Variants in SLCO3A1 observed in about 807,000 individuals in gnomAD.
SLCO3A1 encodes PGE1 transporter.
SLCO3A1 carries 27 observed loss-of-function variants against 63.1 expected under a neutral mutation model. The ratio of observed to expected loss-of-function variants is 0.43; its 90% CI spans 0.32 to 0.59. The LOEUF is 0.59. SLCO3A1 is among the 20% of genes least tolerant of loss of function. SLCO3A1 has a pLI of 0.09. For synonymous variants in SLCO3A1, 473 were observed against 409.9 expected (o/e 1.15, Z -1.86); for missense variants, 773 against 945.8 (o/e 0.82, Z 2.40).
chr15:92,142,220 A>C lies in SLCO3A1; in HGVS notation c.1513-4764A>C, dbSNP rs1308138919. ...CTTTTCTTCTTCTGTCATTAACCCT[A>C]AATCATCCCATTCCTGTCTATTCAG... On this transcript the variant is annotated intron_variant, in intron 7 of 9. Coordinates refer to ENST00000318445, the MANE Select transcript of SLCO3A1 (RefSeq NM_013272.4). 2.6e-5 allele frequency among the ~76,000 whole-genome samples: 4 copies of C among 152,292 alleles called. No homozygotes were observed. In the South Asian group the frequency reaches 8.3e-4, roughly 32 times the overall value.
rs974117105 is a variant in SLCO3A1 at position 91,900,943 on chromosome 15, G to T, written c.181-15050G>T. On this transcript the variant is annotated intron_variant, in intron 1 of 9. Transcript: ENST00000318445. The surrounding 1 kb of genome is among the most constrained non-coding windows in gnomAD (Gnocchi z 4.3). ...ATTAACTTCTCCAAATATTATTGTTGTATTGTTTATTTCGCCTTTCATTTT... is the reference window on the plus strand; with the variant it reads ...ATTAACTTCTCCAAATATTATTGTTTTATTGTTTATTTCGCCTTTCATTTT... 6.6e-6 allele frequency among the ~76,000 whole-genome samples: 1 copy of T among 152,050 alleles called. No individual in the cohort carries two copies. Among genetic ancestry groups the T allele is most frequent in the African/African-American group, 2.4e-5 (1 of 41,406 alleles).
At chr15:91,879,316 T>TA (rs1406003300) in intron 1 of SLCO3A1, among the ~76,000 whole-genome samples, 1 of 151,460 alleles carries the variant, frequency 6.6e-6, no homozygotes, top group Non-Finnish European at 1.5e-5. Flanking sequence ...TTTTTTTTTT[T>TA]AAAGCCACCA....
chr15:92,148,391 T>C (rs1189956810), intron 8 of SLCO3A1, among the ~76,000 whole-genome samples: 1 of 152,212 alleles, frequency 6.6e-6, no homozygotes. Context: ...TCCTCATCTT[T>C]ATTATGAATT....
rs1350335032 is a variant in SLCO3A1, at chr15:91,865,865, C to T, written c.180+11777C>T. Among the ~76,000 whole-genome samples the T allele has an allele frequency of 6.6e-6, 1 of 152,156 alleles. No individual in the cohort carries two copies. The highest frequency in any genetic ancestry group is 2.4e-5 in the African/African-American group (1 of 41,420). On this transcript the variant is annotated intron_variant, in intron 1 of 9. Coordinates refer to ENST00000318445, the MANE Select transcript of SLCO3A1 (RefSeq NM_013272.4). This position sits in a 1 kb window ranked among gnomAD's most constrained non-coding sequence, Gnocchi z 4.6. ...GGGGAAAACAAATCAATTCATAACA[C>T]CAGAGAAGAAAAGAGCAAAGGATCC...
chr15:91,991,231 G>T (rs1292003950), intron 2 of SLCO3A1, among the ~76,000 whole-genome samples: 2 of 152,018 alleles, frequency 1.3e-5, no homozygotes, highest in East Asian at 3.9e-4. Context: ...ATTAGGCAGG[G>T]TGGTGTGCAC....
chr15:91,927,531 T>A (rs1436238700), intron 2 of SLCO3A1, among the ~76,000 whole-genome samples: 2 of 152,188 alleles, frequency 1.3e-5, no homozygotes, highest in Admixed American at 1.3e-4. Context: ...TTGGTGCATT[T>A]GAGAAACCCT....
intron 2 of SLCO3A1, among the ~76,000 whole-genome samples, chr15:91,957,957 G>A (rs1484363077): frequency 6.6e-6 from 1 of 152,094 alleles, no homozygotes; most frequent in African/African-American, 2.4e-5. Flanking sequence ...GGGAACGACT[G>A]AGTCTCCATA....
At position 92,070,544 on chromosome 15, in the gene SLCO3A1, G is replaced by A. The variant is rs567676912; in HGVS notation, c.647-24337G>A. Among the ~76,000 whole-genome samples the A allele has an allele frequency of 4.6e-5, 7 of 152,238 alleles. No individual in the cohort carries two copies. The South Asian group carries it at 1.5e-3, about 32-fold the overall frequency. On this transcript the variant is annotated intron_variant, in intron 2 of 9. Coordinates refer to ENST00000318445, the MANE Select transcript of SLCO3A1 (RefSeq NM_013272.4). Reference sequence around the variant, plus strand: ...TGTAATCCCAGCTACTCAGGAGGCTGAGGCAGGAGAATTGCTTGAACCCCA... The same window carrying A: ...TGTAATCCCAGCTACTCAGGAGGCTAAGGCAGGAGAATTGCTTGAACCCCA...
At chr15:92,120,265 A>C (rs2047847776) in intron 4 of SLCO3A1, among the ~76,000 whole-genome samples, 200 bp from the exon 5 acceptor site, 1 of 152,186 alleles carries the variant, frequency 6.6e-6, no homozygotes, top group Non-Finnish European at 1.5e-5. Context: ...ATGTCAGTGT[A>C]CGCTTTGAAG....
chr15:92,128,314 T>G, intron 6 of SLCO3A1, 37 bp from the exon 7 acceptor site: 1 of 1,613,200 alleles, frequency 6.2e-7, no homozygotes, highest in Non-Finnish European at 8.5e-7. Flanking sequence ...CGAATTGACC[T>G]GTTTCTAATG....
chr15:91,921,261 C>T (rs1039864222), intron 2 of SLCO3A1, among the ~76,000 whole-genome samples: 3 of 152,208 alleles, frequency 2.0e-5, no homozygotes, highest in African/African-American at 7.2e-5. Flanking sequence ...ACTCCTCTTA[C>T]AAGGTCGCCA....
intron 2 of SLCO3A1, among the ~76,000 whole-genome samples, chr15:91,970,694 G>C (rs1311510477): frequency 2.0e-5 from 3 of 152,114 alleles, no homozygotes; most frequent in African/African-American, 7.2e-5. Flanking sequence ...CAAAAAACAG[G>C]CATCCAGGGT....
intron 2 of SLCO3A1, among the ~76,000 whole-genome samples, chr15:92,036,561 C>T (rs906573978): frequency 2.6e-5 from 4 of 152,098 alleles, no homozygotes; most frequent in Non-Finnish European, 5.9e-5. Flanking sequence ...AGCTGTTTGC[C>T]TCCTTCAAAG....
intron 2 of SLCO3A1, among the ~76,000 whole-genome samples, chr15:92,011,911 G>T (rs1007588200): frequency 2.6e-5 from 4 of 152,216 alleles, no homozygotes; most frequent in African/African-American, 9.6e-5. Context: ...GTGTTATTTG[G>T]AATGGCTCAG....
At chr15:92,065,847 G>C (rs1343059036) in intron 2 of SLCO3A1, among the ~76,000 whole-genome samples, 1 of 152,198 alleles carries the variant, frequency 6.6e-6, no homozygotes. Context: ...GTTTAAAGTG[G>C]AGAAGAAGTT....
intron 2 of SLCO3A1, among the ~76,000 whole-genome samples, chr15:92,039,200 C>G (rs1162862866): frequency 6.6e-6 from 1 of 152,110 alleles, no homozygotes; most frequent in East Asian, 1.9e-4. Context: ...ATGCCAAAAG[C>G]AATTACAACA....
At chr15:92,115,071 G>A (rs56049931) in intron 4 of SLCO3A1, among the ~76,000 whole-genome samples, 113,616 of 151,394 alleles carry the variant, frequency 0.75, 44,314 homozygotes, top group East Asian at 0.95. Flanking sequence ...CAAAGGAAAA[G>A]AAAGTCAAGG....
Position 91,856,163 on chromosome 15 carries a change from A to G in SLCO3A1, c.180+2075A>G, listed in dbSNP as rs1044828246. ...GGCAAGCAGAGGAGGAATTCGGTCCACCTGGTGGCGGCATCCTGGCACTTC... is the reference window on the plus strand; with the variant it reads ...GGCAAGCAGAGGAGGAATTCGGTCCGCCTGGTGGCGGCATCCTGGCACTTC... On this transcript the variant is annotated intron_variant, in intron 1 of 9. Transcript: ENST00000318445. This position sits in a 1 kb window ranked among gnomAD's most constrained non-coding sequence, Gnocchi z 4.9. 1.3e-5 allele frequency among the ~76,000 whole-genome samples: 2 copies of G among 152,014 alleles called. No homozygotes were observed. Among genetic ancestry groups the G allele is most frequent in the African/African-American group, 4.8e-5 (2 of 41,368 alleles).
intron 1 of SLCO3A1, among the ~76,000 whole-genome samples, chr15:91,878,800 T>A (rs947367684): frequency 6.6e-6 from 1 of 152,316 alleles, no homozygotes; most frequent in African/African-American, 2.4e-5. Context: ...CCATGCTTCA[T>A]CAAAAGGACC....
Sources: gnomAD v4.1 joint callset for allele counts (sites outside exome capture counted in the v4.1 genomes callset) on GRCh38, gnomAD v4.1.1 for gene constraint, Gnocchi (gnomAD v3.1) non-coding constraint, MANE v1.5 for transcripts, NCBI Gene and HGNC (gene_info 2026-07-23, HGNC 2026-07-21) for gene names.